ZCWPW2: variants seen among roughly 807,000 people sequenced by gnomAD.
The protein encoded by ZCWPW2 is zinc finger CW-type PWWP domain protein 2.
ZCWPW2 carries 45 observed loss-of-function variants against 46.6 expected under a neutral mutation model. The observed-to-expected ratio is 0.96, with a 90% CI of 0.76 to 1.24. The LOEUF is 1.24. ZCWPW2 is among the 50% of genes most tolerant of loss of function. ZCWPW2 has a pLI of 0.00. For missense variants in ZCWPW2, 429 were observed against 403.9 expected (o/e 1.06, Z -0.53); for synonymous variants, 152 against 137.1 (o/e 1.11, Z -0.76).
intron 4 of ZCWPW2, among the ~76,000 whole-genome samples, chr3:28,472,561 AAAATC>A (rs1257171681): frequency 6.6e-6 from 1 of 152,182 alleles, no homozygotes; most frequent in Non-Finnish European, 1.5e-5. Context: ...GCCATAAATG[AAAATC>A]AAATAAAAAT....
chr3:28,454,975 T>A (rs11916288), intron 4 of ZCWPW2, among the ~76,000 whole-genome samples: 149,143 of 152,242 alleles, frequency 0.98, 73,065 homozygotes, highest in East Asian at 1. Flanking sequence ...TAATAGAGTG[T>A]TTTTATTCCT....
intron 2 of ZCWPW2, among the ~76,000 whole-genome samples, chr3:28,409,439 T>TC (rs1441487704): frequency 2.6e-5 from 4 of 152,076 alleles, no homozygotes; most frequent in African/African-American, 9.7e-5. Flanking sequence ...TCCCTTTCTC[T>TC]CACTATCCTC....
chr3:28,425,179 T>C lies in ZCWPW2; in HGVS notation c.333-9931T>C, dbSNP rs192676149. On this transcript the variant is annotated intron_variant, in intron 3 of 9. Coordinates refer to ENST00000383768, the MANE Select transcript of ZCWPW2 (RefSeq NM_001040432.4). Reference sequence around the variant, plus strand: ...TACCTCAATTATCTCTAATCTATGATTAGGGACATCAAAATGCCCAAAAAA... The same window carrying C: ...TACCTCAATTATCTCTAATCTATGACTAGGGACATCAAAATGCCCAAAAAA... Among the ~76,000 whole-genome samples the C allele has an allele frequency of 2.9e-3, 444 of 152,298 alleles. 4 individuals carry two copies. Among genetic ancestry groups the C allele is most frequent in the African/African-American group, 0.01 (418 of 41,558 alleles).
chr3:28,447,664 G>A (rs1000776743), intron 4 of ZCWPW2: 6 of 376,406 alleles, frequency 1.6e-5, no homozygotes. Context: ...AGAGCAATTA[G>A]GCAAGAAAAA....
intron 8 of ZCWPW2, 35 bp from the exon 9 acceptor site, chr3:28,520,957 G>A (rs1700706682): frequency 1.2e-6 from 2 of 1,609,298 alleles, no homozygotes; most frequent in Non-Finnish European, 1.7e-6. Flanking sequence ...TAAGTGAGAT[G>A]TAGCATTTTT....
rs189523409 is a variant in ZCWPW2 at position 28,486,418 on chromosome 3, C to T, written c.611-5709C>T. Among the ~76,000 whole-genome samples the T allele has an allele frequency of 1.6e-3, 238 of 151,218 alleles. 2 individuals are homozygous for T. The highest frequency in any genetic ancestry group is 5.7e-3 in the African/African-American group (232 of 40,670). Reference sequence around the variant, plus strand: ...ACCTTTACTTATTCAGTTTTCAGTGCTCTTGTTGTCTTTGTGTAGATCTGA... The same window carrying T: ...ACCTTTACTTATTCAGTTTTCAGTGTTCTTGTTGTCTTTGTGTAGATCTGA... On this transcript the variant is annotated intron_variant, in intron 5 of 9. Coordinates refer to ENST00000383768, the MANE Select transcript of ZCWPW2 (RefSeq NM_001040432.4).
At chr3:28,480,170 A>AT (rs1312482276) in intron 5 of ZCWPW2, among the ~76,000 whole-genome samples, 1 of 152,132 alleles carries the variant, frequency 6.6e-6, no homozygotes, top group African/African-American at 2.4e-5. Context: ...GGTTGAACTA[A>AT]TTTACACTCC....
chr3:28,500,147 G>C lies in ZCWPW2; in HGVS notation c.657+7974G>C, dbSNP rs1380047217. Among the ~76,000 whole-genome samples the C allele has an allele frequency of 4.6e-5, 7 of 151,958 alleles. 1 individual carries two copies. The highest frequency in any genetic ancestry group is 4.6e-4 in the Admixed American group (7 of 15,220). On this transcript the variant is annotated intron_variant, in intron 6 of 9. Transcript: ENST00000383768. ...TTCCCAGTAGAAGGATTATGCTGAA[G>C]TGCTCTCACCATCAGTGCTTGCAAA...
intron 1 of ZCWPW2, among the ~76,000 whole-genome samples, chr3:28,359,046 G>A (rs1704843396): frequency 6.6e-6 from 1 of 152,028 alleles, no homozygotes; most frequent in Admixed American, 6.5e-5. Context: ...TCATTGATAT[G>A]TTGAATCTAG....
Position 28,398,326 on chromosome 3 carries a change from C to A in ZCWPW2, c.-14+7709C>A, listed in dbSNP as rs1346178833. 4 of 152,296 alleles carry A rather than the reference C, an allele frequency of 2.6e-5. No individual in the cohort carries two copies. In the East Asian group the frequency reaches 5.8e-4, roughly 22 times the overall value. The allele number at this position is 152,296 out of a possible 1,614,324, so 9.4% of individuals were successfully genotyped here. ...TAATGACCTAATTACCTCCCAAAGT[C>A]CCCATCCTCAAATATAATCATCTTG... On this transcript the variant is annotated intron_variant, in intron 2 of 9. Coordinates refer to ENST00000383768, the MANE Select transcript of ZCWPW2 (RefSeq NM_001040432.4).
At chr3:28,373,625 A>C (rs1382881072) in intron 1 of ZCWPW2, among the ~76,000 whole-genome samples, 1 of 151,828 alleles carries the variant, frequency 6.6e-6, no homozygotes, top group Non-Finnish European at 1.5e-5. Context: ...ACAGGTGTGC[A>C]CCACTATACA....
chr3:28,368,007 C>A (rs1705185368), intron 1 of ZCWPW2, among the ~76,000 whole-genome samples: 1 of 152,040 alleles, frequency 6.6e-6, no homozygotes, highest in African/African-American at 2.4e-5. Flanking sequence ...GGTAGATCTT[C>A]CTCCATCCCT....
chr3:28,503,319 A>G (rs912991303), intron 6 of ZCWPW2, among the ~76,000 whole-genome samples: 2 of 152,144 alleles, frequency 1.3e-5, no homozygotes, highest in African/African-American at 4.8e-5. Context: ...AGGTTGTGGT[A>G]TGCAGTTTTC....
intron 1 of ZCWPW2, among the ~76,000 whole-genome samples, chr3:28,373,903 A>G (rs1390684507): frequency 5.9e-5 from 9 of 152,118 alleles, no homozygotes; most frequent in Admixed American, 5.2e-4. Flanking sequence ...TATTAATCCC[A>G]TCTCAGATGG....
At chr3:28,455,096 C>T (rs184158040) in intron 4 of ZCWPW2, among the ~76,000 whole-genome samples, 1 of 152,328 alleles carries the variant, frequency 6.6e-6, no homozygotes, top group East Asian at 1.9e-4. Context: ...TTTACATTCC[C>T]ACCATCAGTG....
chr3:28,373,591 T>G (rs1445446089), intron 1 of ZCWPW2, among the ~76,000 whole-genome samples: 1 of 152,096 alleles, frequency 6.6e-6, no homozygotes, highest in Non-Finnish European at 1.5e-5. Context: ...TTCTCCTGCC[T>G]CAGCCTCCCA....
intron 6 of ZCWPW2, among the ~76,000 whole-genome samples, chr3:28,501,047 A>G (rs931303899): frequency 6.6e-6 from 1 of 152,146 alleles, no homozygotes; most frequent in Non-Finnish European, 1.5e-5. Context: ...TACTATTACT[A>G]TAGTTTTCTT....
At chr3:28,463,331 A>T (rs1257535412) in intron 4 of ZCWPW2, among the ~76,000 whole-genome samples, 2 of 151,664 alleles carry the variant, frequency 1.3e-5, no homozygotes, top group Non-Finnish European at 2.9e-5. Flanking sequence ...CATGATACCC[A>T]CTCCTTCCTA....
intron 2 of ZCWPW2, 52 bp downstream of exon 2, chr3:28,390,669 T>C (rs1459973668): frequency 5.1e-6 from 5 of 982,762 alleles, no homozygotes; most frequent in Non-Finnish European, 6.0e-6. Flanking sequence ...TAAGCATTTT[T>C]ATTCCCATCA....
Sources: allele counts gnomAD v4.1 joint callset (sites outside exome capture counted in the v4.1 genomes callset), GRCh38; gene constraint gnomAD v4.1.1; transcripts MANE v1.5; gene names NCBI Gene and HGNC (gene_info 2026-07-23, HGNC 2026-07-21).